The following PRAG1 variants were observed in gnomAD, a reference collection of about 807,000 sequenced individuals.
PRAG1 encodes the protein inactive tyrosine-protein kinase PRAG1.
Under a neutral mutation model 95.6 loss-of-function variants are expected in PRAG1, and 110 were observed. The observed-to-expected ratio is 1.15, with a 90% CI of 0.99 to 1.35. PRAG1 has a LOEUF of 1.35. Ranked by LOEUF, PRAG1 falls within the 40% of genes most tolerant of loss-of-function variation. PRAG1 has a pLI of 0.00. For missense variants in PRAG1, 2,554 were observed against 1,864.7 expected (o/e 1.37, Z -6.81); for synonymous variants, 1,052 against 819.4 (o/e 1.28, Z -4.85).
chr8:8,322,363 G>T (rs2117101118), intron 5 of PRAG1, among the ~76,000 whole-genome samples: 1 of 152,162 alleles, frequency 6.6e-6, no homozygotes, highest in South Asian at 2.1e-4. Flanking sequence ...TGTATTTTTA[G>T]TAGAGACAGG....
At chr8:8,362,505 T>G (rs1799874835) in intron 3 of PRAG1, among the ~76,000 whole-genome samples, 1 of 152,142 alleles carries the variant, frequency 6.6e-6, no homozygotes, top group South Asian at 2.1e-4. Flanking sequence ...TGAGTTCTGA[T>G]TCCCAACCCC....
rs1800781341 is a variant in PRAG1 at position 8,384,408 on chromosome 8, C to A, written c.-88+1913G>T. On this transcript the variant is annotated intron_variant, in intron 1 of 5. Coordinates refer to ENST00000615670, the MANE Select transcript of PRAG1 (RefSeq NM_001080826.3). ...GCACTCTTTGCTCCCATTCTCAGCT[C>A]AGAAATCCTTGGATGTTTAGAGAGG... 1.3e-5 allele frequency among the ~76,000 whole-genome samples: 2 copies of A among 151,954 alleles called. 1 individual carries two copies. The highest frequency in any genetic ancestry group is 1.3e-4 in the Admixed American group (2 of 15,244).
At chr8:8,344,178 G>T (rs1379093603) in intron 3 of PRAG1, among the ~76,000 whole-genome samples, 1 of 152,144 alleles carries the variant, frequency 6.6e-6, no homozygotes, top group Admixed American at 6.5e-5. Context: ...TATAAGTGGA[G>T]AAAGGTGTTC....
In PRAG1 at chr8:8,319,145, G is replaced by T. The variant is rs1448440717; in HGVS notation, c.3230C>A (p.Pro1077His). 9 of 1,605,666 alleles carry T rather than the reference G, an allele frequency of 5.6e-6. No homozygotes were observed. The Admixed American group carries it at 8.4e-5, about 15-fold the overall frequency. Residue 1077 changes from proline (P) to histidine (H), a missense_variant, in exon 6 of 6, where the codon CCC (proline) becomes CAC (histidine). By Grantham distance (77) the Pro-to-His change is moderately conservative. Coordinates refer to ENST00000615670, the MANE Select transcript of PRAG1 (RefSeq NM_001080826.3). ...CTGCTCCTGGGCAGGGGGGTGTGTG[G>T]GCAGGGCAGGCACAGGGTCCTTGGG... ...DAPKDPVPAL[P>H]THPPAQEQDC...
chr8:8,338,258 G>A (rs561679932), intron 4 of PRAG1, among the ~76,000 whole-genome samples: 7 of 152,302 alleles, frequency 4.6e-5, no homozygotes, highest in East Asian at 1.9e-4. Flanking sequence ...GGAACCCTGC[G>A]AGTGGACGTC....
Position 8,328,329 on chromosome 8 carries a change from T to C in PRAG1, c.2453A>G (p.Lys818Arg), listed in dbSNP as rs200699182. ...AGAGGCTGCCCGGCTCACTATCTTT[T>C]TCTGGGGGAGTGGAGGGGGCTGCTG... ...GPQQPPPLPQ[K>R]KIVSRAASSP... The change falls in exon 5 of 6, where the codon AAA becomes AGA. Residue 818 changes from lysine to arginine, a missense_variant. Coordinates refer to ENST00000615670, the MANE Select transcript of PRAG1 (RefSeq NM_001080826.3). 8.6e-5 allele frequency: 138 copies of C among 1,613,700 alleles called. No individual in the cohort carries two copies. Among genetic ancestry groups the C allele is most frequent in the Non-Finnish European group, 1.1e-4 (129 of 1,179,872 alleles).
chr8:8,365,300 C>T (rs1306241065), intron 3 of PRAG1, among the ~76,000 whole-genome samples: 1 of 152,154 alleles, frequency 6.6e-6, no homozygotes, highest in African/African-American at 2.4e-5. Context: ...CCTGCATCTG[C>T]CACCTCACTC....
intron 5 of PRAG1, among the ~76,000 whole-genome samples, chr8:8,321,711 A>T (rs1215835695): frequency 6.6e-6 from 1 of 152,182 alleles, no homozygotes; most frequent in Non-Finnish European, 1.5e-5. Flanking sequence ...TACAACCGAG[A>T]AGTGTTGCAG....
In PRAG1 at chr8:8,317,862, A is replaced by T. The variant is rs2117087162; in HGVS notation, c.*292T>A. 4.3e-6 allele frequency: 1 copy of T among 232,506 alleles called. No homozygotes were observed. Among genetic ancestry groups the T allele is most frequent in the Non-Finnish European group, 8.1e-6 (1 of 123,568 alleles). The allele number at this position is 232,506 out of a possible 1,614,324, so 14.4% of individuals were successfully genotyped here. ...TGAGGCCAGTGTCCAGGCTGCATTC[A>T]GTTCACAGAACTGTCCTCAGGACGT... On this transcript the variant is annotated 3_prime_UTR_variant, in exon 6 of 6. Coordinates refer to ENST00000615670, the MANE Select transcript of PRAG1 (RefSeq NM_001080826.3).
chr8:8,345,034 A>C (rs1260796870), intron 3 of PRAG1, among the ~76,000 whole-genome samples: 1 of 142,180 alleles, frequency 7.0e-6, no homozygotes, highest in African/African-American at 2.6e-5. Context: ...TTACAGGATA[A>C]ATTATCCGCA....
At chr8:8,381,147 A>C (rs954870642) in intron 2 of PRAG1, among the ~76,000 whole-genome samples, 1 of 152,162 alleles carries the variant, frequency 6.6e-6, no homozygotes, top group African/African-American at 2.4e-5. Context: ...CTTTTTTTTA[A>C]AAAAGCTTCA....
chr8:8,326,170 T>A (rs978147351), intron 5 of PRAG1, among the ~76,000 whole-genome samples: 5 of 147,202 alleles, frequency 3.4e-5, no homozygotes, highest in African/African-American at 1.2e-4. Context: ...TAAATAATTA[T>A]AAATAATATA....
At chr8:8,346,407 A>T (rs1184312105) in intron 3 of PRAG1, among the ~76,000 whole-genome samples, 1 of 152,236 alleles carries the variant, frequency 6.6e-6, no homozygotes, top group Non-Finnish European at 1.5e-5. Context: ...GATTACATAC[A>T]GTCCAGGCAG....
chr8:8,356,125 G>C (rs1467288867), intron 3 of PRAG1, among the ~76,000 whole-genome samples: 3 of 152,150 alleles, frequency 2.0e-5, no homozygotes, highest in Non-Finnish European at 4.4e-5. Context: ...GATCTGAACA[G>C]ACATTTATCT....
intron 3 of PRAG1, among the ~76,000 whole-genome samples, chr8:8,339,935 G>C (rs1799113059): frequency 6.6e-6 from 1 of 152,164 alleles, no homozygotes; most frequent in Non-Finnish European, 1.5e-5. Context: ...TGCCAAAACA[G>C]TTGTGTCACT....
Position 8,337,133 on chromosome 8 carries a change from T to C in PRAG1, c.2320+2345A>G, listed in dbSNP as rs9650625. 8.1e-3 allele frequency among the ~76,000 whole-genome samples: 1,232 copies of C among 152,336 alleles called. 5 individuals carry two copies. The highest frequency in any genetic ancestry group is 0.012 in the Admixed American group (178 of 15,296). On this transcript the variant is annotated intron_variant, in intron 4 of 5. Coordinates refer to ENST00000615670, the MANE Select transcript of PRAG1 (RefSeq NM_001080826.3). ...ACAAAATAAATGTAGAAGAGTCTAA[T>C]GGTATCTTTTGGCTTAATGTATAAT...
At chr8:8,373,525 C>A (rs1800283128) in intron 3 of PRAG1, among the ~76,000 whole-genome samples, 1 of 149,918 alleles carries the variant, frequency 6.7e-6, no homozygotes, top group African/African-American at 2.5e-5. Context: ...TCATAGCTCA[C>A]TGCAACCTCC....
chr8:8,333,763 G>T (rs964394884), intron 4 of PRAG1, among the ~76,000 whole-genome samples: 2 of 152,216 alleles, frequency 1.3e-5, no homozygotes, highest in Non-Finnish European at 1.5e-5. Flanking sequence ...AAAGGGCAGC[G>T]TCCCAACTAA....
chr8:8,359,271 C>T (rs1799775247), intron 3 of PRAG1, among the ~76,000 whole-genome samples: 1 of 152,020 alleles, frequency 6.6e-6, no homozygotes, highest in South Asian at 2.1e-4. Context: ...AGAATTTTTT[C>T]TGAATAAGGT....
Sources: allele counts gnomAD v4.1 joint callset (sites outside exome capture counted in the v4.1 genomes callset), GRCh38; gene constraint gnomAD v4.1.1; transcripts MANE v1.5; gene names NCBI Gene and HGNC (gene_info 2026-07-23, HGNC 2026-07-21).